Variants in PUF60 observed in about 807,000 individuals in gnomAD.
PUF60 encodes poly(U) binding splicing factor 60.
A neutral mutation model predicts 61.8 loss-of-function variants in PUF60; 10 were observed. The observed-to-expected ratio is 0.16, with a 90% CI of 0.10 to 0.27. PUF60 has a LOEUF of 0.27. Ranked by LOEUF, PUF60 falls within the 10% of genes least tolerant of loss-of-function variation. The pLI is 1.00. For missense variants in PUF60, 371 were observed against 754.0 expected, an observed-to-expected ratio of 0.49 and a Z score of 5.95; for synonymous variants, 353 against 300.9, an observed-to-expected ratio of 1.17 and a Z score of -1.79.
intron 1 of PUF60, 99 bp from the exon 2 acceptor site, chr8:143,824,498 C>G: frequency 7.8e-7 from 1 of 1,277,780 alleles, no homozygotes; most frequent in Non-Finnish European, 1.1e-6. Flanking sequence ...CACGGATAAG[C>G]AAGGGAGGCC....
chr8:143,828,963 G>A, intron 1 of PUF60: 8 of 989,380 alleles, frequency 8.1e-6, no homozygotes, highest in Non-Finnish European at 8.4e-6. Flanking sequence ...AAGGGAGGAC[G>A]ACGACCCCCG....
chr8:143,819,769 G>C (rs1281649405), intron 5 of PUF60, among the ~76,000 whole-genome samples: 3 of 151,896 alleles, frequency 2.0e-5, no homozygotes, highest in Non-Finnish European at 4.4e-5. Context: ...CCAGACACGA[G>C]ACCAGGCCTG....
At chr8:143,824,251 CA>C in intron 2 of PUF60, 61 bp downstream of exon 2, 1 of 1,489,714 alleles carries the variant, frequency 6.7e-7, no homozygotes, top group East Asian at 2.5e-5. Context: ...GACGCACAGG[CA>C]GGCGGGCGGG....
chr8:143,821,047 C>CGT (rs1186163128), intron 4 of PUF60, among the ~76,000 whole-genome samples: 1 of 152,172 alleles, frequency 6.6e-6, no homozygotes, highest in African/African-American at 2.4e-5. Flanking sequence ...GCGTGAGGCT[C>CGT]GAGGCCCAGG....
intron 1 of PUF60, chr8:143,827,683 G>A (rs914723512): frequency 3.2e-4 from 101 of 319,874 alleles, no homozygotes; most frequent in South Asian, 2.3e-3. Context: ...TCCTGGAGCC[G>A]GATGCAAGCC....
Position 143,818,094 on chromosome 8 carries a change from G to A in PUF60, c.604-19C>T, listed in dbSNP as rs1338842695. ...TGCCCACCTGGGGAAGAGGCGGTGAGATGGAAAGACCGGTCAACCCAGGCC... is the reference window on the plus strand; with the variant it reads ...TGCCCACCTGGGGAAGAGGCGGTGAAATGGAAAGACCGGTCAACCCAGGCC... On this transcript the variant is annotated intron_variant, in intron 7 of 11. Transcript: ENST00000526683. The surrounding 1 kb of genome is among the most constrained non-coding windows in gnomAD (Gnocchi z 7.9). 4 of 1,609,554 alleles carry A rather than the reference G, an allele frequency of 2.5e-6. No individual in the cohort carries two copies. The highest frequency in any genetic ancestry group is 3.4e-6 in the Non-Finnish European group (4 of 1,178,140).
chr8:143,822,822 G>A (rs971898407), intron 2 of PUF60: 84 of 337,250 alleles, frequency 2.5e-4, no homozygotes, highest in Admixed American at 1.2e-3. Flanking sequence ...GCATGCCTGC[G>A]CCTGTCCTCC....
chr8:143,818,306 G>A lies in PUF60; in HGVS notation c.511-21C>T, dbSNP rs1816604508. ...AAGCCCTAGACACAGGGACACACCT[G>A]TCAGGCTGCGCGAGCCCAGGGGTGG... On this transcript the variant is annotated intron_variant, in intron 6 of 11. Coordinates refer to ENST00000526683, the MANE Select transcript of PUF60 (RefSeq NM_078480.3). This position sits in a 1 kb window ranked among gnomAD's most constrained non-coding sequence, Gnocchi z 7.9. The A allele has an allele frequency of 1.9e-6, 3 of 1,606,954 alleles. No homozygotes were observed. The highest frequency in any genetic ancestry group is 2.6e-6 in the Non-Finnish European group (3 of 1,175,822).
intron 4 of PUF60, 115 bp downstream of exon 4, chr8:143,821,482 G>A (rs1005825622): frequency 3.6e-5 from 35 of 967,082 alleles, no homozygotes; most frequent in East Asian, 3.4e-4. Context: ...TTTGAGAATC[G>A]GAGCACTGTA....
intron 5 of PUF60, among the ~76,000 whole-genome samples, chr8:143,819,647 A>G (rs1039925266): frequency 9.9e-5 from 15 of 152,208 alleles, no homozygotes; most frequent in Non-Finnish European, 2.1e-4. Context: ...GCATTCCCTG[A>G]AAACGAGACT....
chr8:143,823,225 C>T (rs1299871826), intron 2 of PUF60: 1 of 158,342 alleles, frequency 6.3e-6, no homozygotes, highest in Non-Finnish European at 1.4e-5. Context: ...TCTTCACCAC[C>T]CTCAGCACCA....
chr8:143,823,450 T>C (rs80352579), intron 2 of PUF60, among the ~76,000 whole-genome samples: 137 of 152,346 alleles, frequency 9.0e-4, no homozygotes, highest in African/African-American at 2.8e-3. Flanking sequence ...CCCCCAGACA[T>C]TTTTCAATCT....
In PUF60 at chr8:143,824,364, C is replaced by T. The variant is rs369353284; in HGVS notation, c.60G>A (p.Pro20=). Residue 20 remains proline, a synonymous_variant, in exon 2 of 12, where the codon CCG becomes CCA. Coordinates refer to ENST00000526683, the MANE Select transcript of PUF60 (RefSeq NM_078480.3). The part of the protein sequence containing the change: ...VNGQQGGGSE[P]AAAAAVVAAG... ...CTGCCACCACTGCCGCCGCCGCCGC[C>T]GGCTCGGACCCCCCTCCTTGCTGGC... 2.5e-3 allele frequency: 3,983 copies of T among 1,612,628 alleles called. 122 individuals are homozygous for T. Among genetic ancestry groups the T allele is most frequent in the South Asian group, 2.6e-4 (24 of 91,076 alleles).
chr8:143,829,070 G>A (rs1456492513), intron 1 of PUF60: 9 of 1,056,402 alleles, frequency 8.5e-6, no homozygotes, highest in African/African-American at 5.1e-5. Context: ...GCCGGAAGCT[G>A]GGGTCCGCAG....
chr8:143,827,270 A>G (rs1316361223), intron 1 of PUF60: 3 of 423,390 alleles, frequency 7.1e-6, no homozygotes, highest in Admixed American at 5.2e-5. Flanking sequence ...TGGGGCCTAC[A>G]GAAGAAAGGA....
At position 143,825,635 on chromosome 8, in the gene PUF60, G is replaced by A. The variant is rs149865197; in HGVS notation, c.25-1236C>T. Among the ~76,000 whole-genome samples the A allele has an allele frequency of 8.7e-4, 132 of 152,182 alleles. 1 individual carries two copies. The highest frequency in any genetic ancestry group is 2.7e-3 in the African/African-American group (110 of 41,504). ...CCTCCTGGGACTCCAGGCATGCGCC[G>A]CCACACCTGGCTAATTTTTGTATTT... On this transcript the variant is annotated intron_variant, in intron 1 of 11. Coordinates refer to ENST00000526683, the MANE Select transcript of PUF60 (RefSeq NM_078480.3).
chr8:143,817,533 T>TC lies in PUF60; in HGVS notation c.1008+58dup. On this transcript the variant is annotated intron_variant, in intron 9 of 11. Transcript: ENST00000526683. This position sits in a 1 kb window ranked among gnomAD's most constrained non-coding sequence, Gnocchi z 7.4. ...TACTCAAGACCACCTTGAATCAGTC[T>TC]CCAAGGAATCAGGGGCCAGCCCGCC... 2 of 1,608,256 alleles carry TC rather than the reference T, an allele frequency of 1.2e-6. No individual in the cohort carries two copies. Among genetic ancestry groups the TC allele is most frequent in the Non-Finnish European group, 1.7e-6 (2 of 1,179,062 alleles).
Position 143,818,634 on chromosome 8 carries a change from G to C in PUF60, c.349-100C>G, listed in dbSNP as rs1008964688. On this transcript the variant is annotated intron_variant, in intron 5 of 11. Coordinates refer to ENST00000526683, the MANE Select transcript of PUF60 (RefSeq NM_078480.3). The surrounding 1 kb of genome is among the most constrained non-coding windows in gnomAD (Gnocchi z 7.9). ...TGGCCCACCCACCCAGCCCTGCTGT[G>C]GGGAGGGCTCCCCACATGACAGGGA... The C allele has an allele frequency of 7.7e-7, 1 of 1,305,200 alleles. No homozygotes were observed. Among genetic ancestry groups the C allele is most frequent in the African/African-American group, 1.5e-5 (1 of 67,422 alleles). 80.9% of individuals were successfully genotyped at this position (1,305,200 alleles called of 1,614,324 possible). A position where few individuals can be genotyped will look rare whatever the true frequency, so the allele number is the denominator to read the frequency against.
chr8:143,822,048 C>T, intron 2 of PUF60, 135 bp from the exon 3 acceptor site: 1 of 656,924 alleles, frequency 1.5e-6, no homozygotes. Flanking sequence ...ATTGCTGTCC[C>T]CAGCCCAGGC....
Sources: gnomAD v4.1 joint callset for allele counts (sites outside exome capture counted in the v4.1 genomes callset) on GRCh38, gnomAD v4.1.1 for gene constraint, Gnocchi (gnomAD v3.1) non-coding constraint, MANE v1.5 for transcripts, NCBI Gene and HGNC (gene_info 2026-07-23, HGNC 2026-07-21) for gene names.